The following RBKS variants were observed in gnomAD, a reference collection of about 807,000 sequenced individuals.
The protein encoded by RBKS is ribokinase.
In RBKS, 33 loss-of-function variants were observed where a neutral mutation model predicts 33.9. The ratio of observed to expected loss-of-function variants is 0.97; its 90% CI spans 0.74 to 1.30. The LOEUF is 1.30. RBKS is among the 50% of genes most tolerant of loss of function. RBKS has a pLI of 0.00. For synonymous variants in RBKS, 125 were observed against 143.0 expected (o/e 0.87, Z 0.90); for missense variants, 361 against 392.6 (o/e 0.92, Z 0.68).
At chr2:27,808,867 C>A (rs1186679768) in intron 7 of RBKS, among the ~76,000 whole-genome samples, 1 of 152,250 alleles carries the variant, frequency 6.6e-6, no homozygotes, top group African/African-American at 2.4e-5. Flanking sequence ...AAGCCTGAGC[C>A]TCACCCTCTA....
intron 7 of RBKS, among the ~76,000 whole-genome samples, chr2:27,823,001 T>C (rs1678240479): frequency 6.6e-6 from 1 of 152,194 alleles, no homozygotes; most frequent in Non-Finnish European, 1.5e-5. Flanking sequence ...TTATAATATA[T>C]CACAGTAGCA....
intron 1 of RBKS, among the ~76,000 whole-genome samples, chr2:27,884,852 G>T (rs1664495587): frequency 6.6e-6 from 1 of 152,206 alleles, no homozygotes; most frequent in Non-Finnish European, 1.5e-5. Context: ...TAGGACTGCA[G>T]AGAGACTTGA....
intron 1 of RBKS, among the ~76,000 whole-genome samples, chr2:27,879,241 T>C (rs1297589495): frequency 1.3e-5 from 2 of 152,198 alleles, no homozygotes; most frequent in Non-Finnish European, 2.9e-5. Flanking sequence ...TGTCATACTA[T>C]AATAATCTCT....
chr2:27,859,691 T>C (rs1573069046), intron 1 of RBKS, among the ~76,000 whole-genome samples: 1 of 151,818 alleles, frequency 6.6e-6, no homozygotes, highest in African/African-American at 2.4e-5. Context: ...AAAAAGAGGG[T>C]AGGTGTGACC....
intron 1 of RBKS, among the ~76,000 whole-genome samples, chr2:27,882,973 T>C (rs917784897): frequency 6.6e-6 from 1 of 151,658 alleles, no homozygotes; most frequent in African/African-American, 2.4e-5. Flanking sequence ...AAATAACTAA[T>C]GAGAACTAGG....
At chr2:27,844,738 G>T (rs1663588424) in intron 4 of RBKS, among the ~76,000 whole-genome samples, 1 of 152,082 alleles carries the variant, frequency 6.6e-6, no homozygotes, top group South Asian at 2.1e-4. Flanking sequence ...TAATATTTTG[G>T]ACATATTGGG....
chr2:27,795,611 G>A lies in RBKS; in HGVS notation c.796-13823C>T, dbSNP rs1677652279. ...CACTCCCCCGCCACTGAAACTTGAG[G>A]GAATTGAGTCTCAGAAACATCCAGT... On this transcript the variant is annotated intron_variant, in intron 7 of 7. Transcript: ENST00000302188. This position sits in a 1 kb window ranked among gnomAD's most constrained non-coding sequence, Gnocchi z 4.1. Among the ~76,000 whole-genome samples, 1 of 152,074 alleles carries A rather than the reference G, an allele frequency of 6.6e-6. No homozygotes were observed. The highest frequency in any genetic ancestry group is 2.4e-5 in the African/African-American group (1 of 41,390).
intron 1 of RBKS, among the ~76,000 whole-genome samples, chr2:27,882,890 C>A (rs1429320972): frequency 1.3e-5 from 2 of 152,004 alleles, no homozygotes; most frequent in East Asian, 3.9e-4. Flanking sequence ...AACACCTGGA[C>A]ACACAGAAGT....
chr2:27,832,590 G>A (rs1016956244), intron 6 of RBKS, 96 bp downstream of exon 6: 3 of 792,300 alleles, frequency 3.8e-6, no homozygotes, highest in East Asian at 2.6e-5. Context: ...GAGAATTCAC[G>A]TCATCAAATT....
intron 7 of RBKS, among the ~76,000 whole-genome samples, chr2:27,807,094 T>C (rs150395980): frequency 1.3e-4 from 20 of 152,270 alleles, no homozygotes; most frequent in Non-Finnish European, 2.1e-4. Flanking sequence ...GAAATTCAAA[T>C]AAAGAGCTCC....
intron 5 of RBKS, among the ~76,000 whole-genome samples, chr2:27,840,347 C>CACACACACACAA: frequency 7.3e-6 from 1 of 136,238 alleles, no homozygotes; most frequent in Admixed American, 7.2e-5. Context: ...CACACACACA[C>CACACACACACAA]ACACACACGC....
chr2:27,849,383 T>C (rs1663688069), intron 2 of RBKS, among the ~76,000 whole-genome samples: 1 of 150,990 alleles, frequency 6.6e-6, no homozygotes, highest in Non-Finnish European at 1.5e-5. Flanking sequence ...GTCAACATGG[T>C]AAAACCCCAT....
At chr2:27,786,642 C>T (rs886172730) in intron 7 of RBKS, among the ~76,000 whole-genome samples, 14 of 152,034 alleles carry the variant, frequency 9.2e-5, no homozygotes, top group Admixed American at 2.6e-4. Context: ...ATTAGCCGGG[C>T]GTGGTGGTGG....
At chr2:27,872,649 T>C (rs1381938207) in intron 1 of RBKS, among the ~76,000 whole-genome samples, 1 of 152,168 alleles carries the variant, frequency 6.6e-6, no homozygotes, top group Non-Finnish European at 1.5e-5. Flanking sequence ...AATTCAAGTC[T>C]AAGTATAACC....
At chr2:27,883,436 T>C (rs943594359) in intron 1 of RBKS, among the ~76,000 whole-genome samples, 8 of 152,126 alleles carry the variant, frequency 5.3e-5, no homozygotes, top group African/African-American at 1.9e-4. Flanking sequence ...CCTGACCTCG[T>C]GATCTGCCCG....
intron 5 of RBKS, among the ~76,000 whole-genome samples, chr2:27,834,233 T>C (rs1678474345): frequency 6.6e-6 from 1 of 152,230 alleles, no homozygotes. Context: ...GCACCTTCCT[T>C]GGTCTTACCT....
intron 2 of RBKS, among the ~76,000 whole-genome samples, chr2:27,856,848 G>A (rs2148218542): frequency 1.3e-5 from 2 of 152,224 alleles, no homozygotes; most frequent in South Asian, 4.1e-4. Context: ...ACGCTCCATA[G>A]CTAATCAGGT....
intron 7 of RBKS, chr2:27,782,742 T>A (rs1389252586): frequency 2.7e-6 from 1 of 367,444 alleles, no homozygotes; most frequent in Non-Finnish European, 5.9e-6. Context: ...TGCTCCCTTT[T>A]TTCATGTTGT....
intron 1 of RBKS, among the ~76,000 whole-genome samples, chr2:27,880,108 G>T (rs1323789184): frequency 6.6e-6 from 1 of 152,180 alleles, no homozygotes. Context: ...GGGATGCAAG[G>T]TTGGTTTGAC....
Sources: gnomAD v4.1 joint callset for allele counts (sites outside exome capture counted in the v4.1 genomes callset) on GRCh38, gnomAD v4.1.1 for gene constraint, Gnocchi (gnomAD v3.1) non-coding constraint, MANE v1.5 for transcripts, NCBI Gene and HGNC (gene_info 2026-07-23, HGNC 2026-07-21) for gene names.